Variants in FNBP1L observed in about 807,000 individuals in gnomAD.
FNBP1L encodes formin-binding protein 1-like.
In FNBP1L, 36 loss-of-function variants were observed where a neutral mutation model predicts 91.2. The ratio of observed to expected loss-of-function variants is 0.39; its 90% CI spans 0.30 to 0.52. The LOEUF is 0.52. Among genes scored for constraint, FNBP1L ranks in the 20% least tolerant of loss-of-function variants. FNBP1L has a pLI of 0.66. For synonymous variants in FNBP1L, 242 were observed against 237.0 expected (o/e 1.02, Z -0.19); for missense variants, 571 against 732.1 (o/e 0.78, Z 2.54).
At chr1:93,537,169 T>G (rs866482536) in intron 10 of FNBP1L, among the ~76,000 whole-genome samples, 16 of 152,230 alleles carry the variant, frequency 1.1e-4, no homozygotes, top group Middle Eastern at 3.4e-3. Flanking sequence ...TTTTTCTTGT[T>G]TATGTTTGAT....
intron 12 of FNBP1L, among the ~76,000 whole-genome samples, chr1:93,544,472 C>G (rs1006868021): frequency 6.6e-6 from 1 of 152,004 alleles, no homozygotes; most frequent in Non-Finnish European, 1.5e-5. Flanking sequence ...ATTTTATTAT[C>G]AAGAGTAGTT....
chr1:93,523,168 T>C (rs923574527), intron 3 of FNBP1L, among the ~76,000 whole-genome samples, 176 bp from the exon 4 acceptor site: 1 of 152,192 alleles, frequency 6.6e-6, no homozygotes, highest in African/African-American at 2.4e-5. Context: ...TATACAAACA[T>C]GTATGACTTG....
chr1:93,502,151 G>C (rs973705841), intron 2 of FNBP1L, among the ~76,000 whole-genome samples: 1 of 152,128 alleles, frequency 6.6e-6, no homozygotes, highest in African/African-American at 2.4e-5. Context: ...TGTATATACA[G>C]TTACATATAA....
At chr1:93,537,380 C>T (rs1432486376) in intron 10 of FNBP1L, among the ~76,000 whole-genome samples, 1 of 151,898 alleles carries the variant, frequency 6.6e-6, no homozygotes, top group African/African-American at 2.4e-5. Context: ...CCCTCCCTTC[C>T]TTTCTCCTCT....
At chr1:93,490,818 C>A (rs1270972500) in intron 1 of FNBP1L, among the ~76,000 whole-genome samples, 1 of 152,136 alleles carries the variant, frequency 6.6e-6, no homozygotes, top group South Asian at 2.1e-4. Context: ...TCCATAGTCC[C>A]AAAGTATTTG....
In FNBP1L at chr1:93,461,649, C is replaced by CA. The variant is rs1668869822; in HGVS notation, c.24+13345dup. Among the ~76,000 whole-genome samples the CA allele has an allele frequency of 3.3e-5, 5 of 152,150 alleles. No homozygotes were observed. The South Asian group carries it at 1.0e-3, about 32-fold the overall frequency. ...CTACAAAAAACATCTCCCTTATTCT[C>CA]ACTCTCCAGAGCTGGGTGCATTGTA... On this transcript the variant is annotated intron_variant, in intron 1 of 16. Coordinates refer to ENST00000271234, the MANE Select transcript of FNBP1L (RefSeq NM_001164473.3).
chr1:93,522,424 A>C (rs1467309764), intron 3 of FNBP1L, among the ~76,000 whole-genome samples: 1 of 152,196 alleles, frequency 6.6e-6, no homozygotes, highest in African/African-American at 2.4e-5. Flanking sequence ...TATTTTTCAT[A>C]CTTGGTTGTG....
intron 11 of FNBP1L, among the ~76,000 whole-genome samples, chr1:93,541,588 G>T (rs1230073879): frequency 6.6e-6 from 1 of 151,748 alleles, no homozygotes; most frequent in Non-Finnish European, 1.5e-5. Flanking sequence ...TTGTGTGGGG[G>T]GTGGGGCGGG....
intron 15 of FNBP1L, among the ~76,000 whole-genome samples, chr1:93,550,343 A>G (rs1182095987): frequency 6.6e-6 from 1 of 152,162 alleles, no homozygotes; most frequent in African/African-American, 2.4e-5. Context: ...CAAACTTGCT[A>G]TAATGTAATC....
At position 93,529,756 on chromosome 1, in the gene FNBP1L, G is replaced by A; in HGVS notation, c.510G>A (p.Lys170=). 6.7e-7 allele frequency: 1 copy of A among 1,488,396 alleles called. No individual in the cohort carries two copies. The highest frequency in any genetic ancestry group is 9.0e-7 in the Non-Finnish European group (1 of 1,115,898). The allele number at this position is 1,488,396 out of a possible 1,614,324, so 92.2% of individuals were successfully genotyped here. A position where few individuals can be genotyped will look rare whatever the true frequency, so the allele number is the denominator to read the frequency against. The change falls in exon 6 of 17, where the codon AAG becomes AAA. Residue 170 remains lysine, a splice_region_variant and synonymous_variant. Transcript: ENST00000271234. The part of the protein sequence containing the change: ...DTNATKADVE[K]AKQQLNLRTH... ...ATGCAACCAAGGCAGATGTTGAAAAGGTAAGAAATACTCCAAACCAACTTT... is the reference window on the plus strand; with the variant it reads ...ATGCAACCAAGGCAGATGTTGAAAAAGTAAGAAATACTCCAAACCAACTTT...
chr1:93,544,763 G>A (rs539113771), intron 12 of FNBP1L, among the ~76,000 whole-genome samples: 8 of 152,078 alleles, frequency 5.3e-5, no homozygotes, highest in Non-Finnish European at 1.2e-4. Context: ...CTTCACTTAC[G>A]ATAAAATTGG....
At chr1:93,491,606 G>A (rs1670093498) in intron 1 of FNBP1L, among the ~76,000 whole-genome samples, 1 of 152,200 alleles carries the variant, frequency 6.6e-6, no homozygotes. Context: ...TAAAGTGCTG[G>A]AATGATAGGC....
intron 1 of FNBP1L, among the ~76,000 whole-genome samples, chr1:93,489,168 A>G (rs180836994): frequency 3.3e-5 from 5 of 152,176 alleles, no homozygotes; most frequent in Non-Finnish European, 7.3e-5. Flanking sequence ...ACCATAAATC[A>G]GGGTTGAAAT....
intron 1 of FNBP1L, among the ~76,000 whole-genome samples, chr1:93,471,419 C>CTTTGGAATCTA (rs1256174550): frequency 1.4e-4 from 22 of 152,292 alleles, no homozygotes; most frequent in South Asian, 6.2e-4. Flanking sequence ...TATCCAGGCA[C>CTTTGGAATCTA]TGTAGCGCAT....
intron 1 of FNBP1L, among the ~76,000 whole-genome samples, chr1:93,448,816 A>G (rs1668372246): frequency 6.6e-6 from 1 of 152,084 alleles, no homozygotes; most frequent in Admixed American, 6.5e-5. Flanking sequence ...GGCGCCGCCC[A>G]GAGCCCTCGC....
At chr1:93,495,832 T>C (rs1422671821) in intron 1 of FNBP1L, among the ~76,000 whole-genome samples, 1 of 152,238 alleles carries the variant, frequency 6.6e-6, no homozygotes, top group African/African-American at 2.4e-5. Context: ...TTATATAATT[T>C]TGTTGCTGAA....
intron 2 of FNBP1L, among the ~76,000 whole-genome samples, chr1:93,505,779 A>G (rs192468738): frequency 1.3e-5 from 2 of 152,324 alleles, no homozygotes; most frequent in East Asian, 3.9e-4. Context: ...CTTTTTACAA[A>G]ATGATTCTCC....
At chr1:93,492,171 G>C (rs1670115389) in intron 1 of FNBP1L, among the ~76,000 whole-genome samples, 1 of 152,024 alleles carries the variant, frequency 6.6e-6, no homozygotes, top group Non-Finnish European at 1.5e-5. Context: ...ATCTGATACA[G>C]GTCTTAGATA....
At chr1:93,548,422 G>C (rs946100535) in intron 14 of FNBP1L, among the ~76,000 whole-genome samples, 2 of 152,016 alleles carry the variant, frequency 1.3e-5, no homozygotes, top group Non-Finnish European at 2.9e-5. Context: ...AATTGTGTTT[G>C]TATTACCTGC....
Sources: allele counts gnomAD v4.1 joint callset (sites outside exome capture counted in the v4.1 genomes callset), GRCh38; gene constraint gnomAD v4.1.1; transcripts MANE v1.5; gene names NCBI Gene and HGNC (gene_info 2026-07-23, HGNC 2026-07-21).